The following ZNF407 variants were observed in gnomAD, a reference collection of about 807,000 sequenced individuals.
The protein encoded by ZNF407 is zinc finger protein 407.
Under a neutral mutation model 131.2 loss-of-function variants are expected in ZNF407, and 17 were observed. That is an observed-to-expected ratio of 0.13 (90% CI 0.09 to 0.19). The LOEUF is 0.19. ZNF407 is among the 10% of genes least tolerant of loss of function. The pLI is 1.00. For synonymous variants in ZNF407, 1,156 were observed against 1,062.0 expected (o/e 1.09, Z -1.72); for missense variants, 2,681 against 2,830.6 (o/e 0.95, Z 1.20).
intron 3 of ZNF407, among the ~76,000 whole-genome samples, chr18:74,738,469 G>T (rs1968473237): frequency 6.8e-6 from 1 of 147,916 alleles, no homozygotes; most frequent in Non-Finnish European, 1.5e-5. Context: ...GCCGGGTGTG[G>T]TGGCTCATGC....
chr18:74,897,120 G>A (rs969592417), intron 7 of ZNF407, among the ~76,000 whole-genome samples: 11 of 152,080 alleles, frequency 7.2e-5, no homozygotes, highest in Admixed American at 2.0e-4. Context: ...AAGAGGCTCT[G>A]TGCTGATATA....
chr18:74,996,797 A>G, intron 8 of ZNF407, among the ~76,000 whole-genome samples: 1 of 152,254 alleles, frequency 6.6e-6, no homozygotes, highest in Non-Finnish European at 1.5e-5. Context: ...TTTATTTACT[A>G]ACCAATGAAT....
chr18:74,771,397 A>G (rs1969356865), intron 3 of ZNF407, among the ~76,000 whole-genome samples: 1 of 152,116 alleles, frequency 6.6e-6, no homozygotes, highest in East Asian at 1.9e-4. Context: ...TTTATTTAAC[A>G]TGCTCATTAA....
intron 8 of ZNF407, among the ~76,000 whole-genome samples, chr18:74,960,432 C>T (rs1268278019): frequency 5.4e-3 from 371 of 68,924 alleles, no homozygotes; most frequent in African/African-American, 0.019. Flanking sequence ...GAGAAGGTCC[C>T]GACTGAGTGC....
intron 8 of ZNF407, among the ~76,000 whole-genome samples, chr18:74,952,171 A>G (rs1972222012): frequency 6.6e-6 from 1 of 152,204 alleles, no homozygotes; most frequent in African/African-American, 2.4e-5. Flanking sequence ...ATTGCAAAGC[A>G]GTGACTAACT....
At chr18:74,848,472 T>A (rs1488271182) in intron 4 of ZNF407, among the ~76,000 whole-genome samples, 3 of 152,244 alleles carry the variant, frequency 2.0e-5, no homozygotes, top group Admixed American at 1.3e-4. Flanking sequence ...GTGGGCAAGA[T>A]GATGGCTGCT....
intron 3 of ZNF407, among the ~76,000 whole-genome samples, chr18:74,779,400 C>A (rs1477906306): frequency 6.6e-6 from 1 of 151,878 alleles, no homozygotes; most frequent in Non-Finnish European, 1.5e-5. Flanking sequence ...AGGCGTGAGC[C>A]ACCGCGCCCG....
At chr18:74,802,001 A>AT (rs1208618022) in intron 4 of ZNF407, among the ~76,000 whole-genome samples, 1 of 152,060 alleles carries the variant, frequency 6.6e-6, no homozygotes, top group Non-Finnish European at 1.5e-5. Flanking sequence ...AAAAAAAAAA[A>AT]TTTTCCTTTG....
chr18:75,003,493 T>C (rs1302247525), intron 8 of ZNF407, among the ~76,000 whole-genome samples: 1 of 152,258 alleles, frequency 6.6e-6, no homozygotes, highest in Non-Finnish European at 1.5e-5. Flanking sequence ...ATGAATTTTT[T>C]AGGGCAGTCC....
At chr18:74,981,658 G>A (rs1972594948) in intron 8 of ZNF407, among the ~76,000 whole-genome samples, 1 of 149,708 alleles carries the variant, frequency 6.7e-6, no homozygotes, top group Admixed American at 6.9e-5. Flanking sequence ...CGGCCCTGGA[G>A]GAGCGCAGGA....
chr18:75,000,636 A>C (rs982317977), intron 8 of ZNF407, among the ~76,000 whole-genome samples: 1 of 152,212 alleles, frequency 6.6e-6, no homozygotes, highest in Non-Finnish European at 1.5e-5. Context: ...ATCTGGTTTA[A>C]GTTTTAAGAT....
chr18:74,895,972 C>T (rs1971448625), intron 7 of ZNF407, among the ~76,000 whole-genome samples: 2 of 152,084 alleles, frequency 1.3e-5, no homozygotes, highest in Admixed American at 6.6e-5. Context: ...GGTTTTGCCC[C>T]TGAATACAGA....
chr18:75,027,300 G>A (rs570610221), intron 8 of ZNF407, among the ~76,000 whole-genome samples: 2 of 152,332 alleles, frequency 1.3e-5, no homozygotes, highest in East Asian at 3.9e-4. Flanking sequence ...GGGAAGAGCT[G>A]TGGGTTTTCA....
At chr18:74,775,135 T>C (rs113999569) in intron 3 of ZNF407, among the ~76,000 whole-genome samples, 2,336 of 152,332 alleles carry the variant, frequency 0.015, 68 homozygotes, top group African/African-American at 0.05. Flanking sequence ...GATATGAAGT[T>C]GTTTATCAAA....
chr18:75,022,181 A>G (rs1259651045), intron 8 of ZNF407, among the ~76,000 whole-genome samples: 1 of 152,214 alleles, frequency 6.6e-6, no homozygotes, highest in African/African-American at 2.4e-5. Flanking sequence ...TAAAAGATAC[A>G]TAAACACTTG....
At chr18:74,918,918 G>A (rs568397711) in intron 7 of ZNF407, among the ~76,000 whole-genome samples, 1 of 152,238 alleles carries the variant, frequency 6.6e-6, no homozygotes, top group Admixed American at 6.5e-5. Context: ...AGTTGTACAT[G>A]TGCATTTGAT....
At chr18:74,933,817 T>G (rs931951391) in intron 8 of ZNF407, among the ~76,000 whole-genome samples, 3 of 152,258 alleles carry the variant, frequency 2.0e-5, no homozygotes. Flanking sequence ...AGTCAGTGTT[T>G]GAAATATATC....
intron 8 of ZNF407, chr18:75,062,035 G>A (rs926370866): frequency 2.0e-5 from 3 of 152,270 alleles, no homozygotes; most frequent in Non-Finnish European, 4.4e-5. Context: ...CAGGGTGGAG[G>A]AAGCCTTGGG....
At chr18:74,627,298 A>G (rs1983826233) in intron 1 of ZNF407, among the ~76,000 whole-genome samples, 4 of 152,130 alleles carry the variant, frequency 2.6e-5, no homozygotes, top group African/African-American at 9.7e-5. Flanking sequence ...CTCTCACAGG[A>G]CTAAGATTTT....
Sources: allele counts gnomAD v4.1 joint callset (sites outside exome capture counted in the v4.1 genomes callset), GRCh38; gene constraint gnomAD v4.1.1; transcripts MANE v1.5; gene names NCBI Gene and HGNC (gene_info 2026-07-23, HGNC 2026-07-21).